CDH12: variants seen among roughly 807,000 people sequenced by gnomAD.
CDH12 encodes the protein cadherin 12, also known as cadherin-12.
Under a neutral mutation model 74.1 loss-of-function variants are expected in CDH12, and 41 were observed. The ratio of observed to expected loss-of-function variants is 0.55; its 90% CI spans 0.43 to 0.72. CDH12 has a LOEUF of 0.72. CDH12 is among the 30% of genes least tolerant of loss of function. The probability of loss-of-function intolerance (pLI) is 0.00; values close to 1 mark genes in which losing one functional copy is unlikely to be tolerated. For missense variants in CDH12, 945 were observed against 977.2 expected (o/e 0.97, Z 0.44); for synonymous variants, 399 against 355.0 (o/e 1.12, Z -1.39).
intron 5 of CDH12, among the ~76,000 whole-genome samples, chr5:22,047,280 T>C (rs1363470277): frequency 7.9e-5 from 12 of 152,202 alleles, no homozygotes; most frequent in Admixed American, 7.9e-4. Flanking sequence ...TATTCTCTCT[T>C]ACTGTAACTT....
intron 1 of CDH12, among the ~76,000 whole-genome samples, chr5:22,668,807 CTT>C (rs1275492881): frequency 1.3e-5 from 2 of 152,098 alleles, no homozygotes; most frequent in African/African-American, 4.8e-5. Flanking sequence ...ATTTATCTGT[CTT>C]TTTCTATTGG....
intron 4 of CDH12, among the ~76,000 whole-genome samples, chr5:22,104,984 T>A (rs984898340): frequency 1.3e-5 from 2 of 152,146 alleles, no homozygotes; most frequent in African/African-American, 4.8e-5. Flanking sequence ...ATGACTCTCC[T>A]TGCTTTTAGT....
At chr5:22,392,737 A>C (rs1362028412) in intron 3 of CDH12, among the ~76,000 whole-genome samples, 3 of 152,202 alleles carry the variant, frequency 2.0e-5, no homozygotes, top group Non-Finnish European at 2.9e-5. Context: ...AGTACAAAGC[A>C]GAGTTAACGT....
chr5:22,686,188 G>T (rs554671815), intron 1 of CDH12, among the ~76,000 whole-genome samples: 62 of 151,548 alleles, frequency 4.1e-4, no homozygotes, highest in East Asian at 2.3e-3. Flanking sequence ...GGGCATTTTG[G>T]TTTTTTTATA....
intron 10 of CDH12, among the ~76,000 whole-genome samples, chr5:21,787,426 T>C (rs1746256791): frequency 9.1e-6 from 1 of 109,754 alleles, no homozygotes; most frequent in African/African-American, 3.0e-5. Context: ...TTTTTTGTTT[T>C]GCAATAAAAT....
chr5:22,584,473 G>A (rs1268792743), intron 1 of CDH12, among the ~76,000 whole-genome samples: 1 of 151,854 alleles, frequency 6.6e-6, no homozygotes, highest in Non-Finnish European at 1.5e-5. Flanking sequence ...CATTTTTATT[G>A]TTTGCCATTT....
intron 3 of CDH12, among the ~76,000 whole-genome samples, chr5:22,396,596 A>G (rs1469255129): frequency 4.6e-5 from 7 of 152,098 alleles, no homozygotes; most frequent in Non-Finnish European, 8.8e-5. Context: ...ATGCTGCCTG[A>G]TGGATCAAAT....
At position 21,909,110 on chromosome 5, in the gene CDH12, C is replaced by T. The variant is rs373819689; in HGVS notation, c.527-54320G>A. 2.6e-3 allele frequency among the ~76,000 whole-genome samples: 402 copies of T among 152,212 alleles called. 1 individual carries two copies. Among genetic ancestry groups the T allele is most frequent in the Non-Finnish European group, 5.0e-3 (337 of 67,992 alleles). On this transcript the variant is annotated intron_variant, in intron 6 of 14. Coordinates refer to ENST00000382254, the MANE Select transcript of CDH12 (RefSeq NM_004061.5). ...TTCCATTGTTTAATAATTTAGACTG[C>T]ACCTGTCTGCACATCCCACAGCCCA...
intron 3 of CDH12, among the ~76,000 whole-genome samples, chr5:22,384,767 T>A (rs1040678570): frequency 5.9e-5 from 9 of 152,210 alleles, no homozygotes; most frequent in African/African-American, 2.2e-4. Flanking sequence ...AATATGCAAC[T>A]TTTTGAACAA....
At chr5:21,989,268 T>C (rs1055831622) in intron 5 of CDH12, among the ~76,000 whole-genome samples, 2 of 152,162 alleles carry the variant, frequency 1.3e-5, no homozygotes, top group Non-Finnish European at 2.9e-5. Flanking sequence ...CAAATAAACA[T>C]GTAGTTTCTA....
intron 4 of CDH12, among the ~76,000 whole-genome samples, chr5:22,123,704 G>A (rs1383413025): frequency 1.3e-5 from 2 of 152,072 alleles, no homozygotes; most frequent in African/African-American, 2.4e-5. Context: ...TCTGTCCTAC[G>A]CGATTTTGCA....
intron 3 of CDH12, among the ~76,000 whole-genome samples, chr5:22,384,302 A>C (rs1580590836): frequency 6.6e-6 from 1 of 151,620 alleles, no homozygotes; most frequent in Non-Finnish European, 1.5e-5. Flanking sequence ...AGGCGGGCGG[A>C]TCACGAGGTC....
chr5:22,419,008 G>A (rs901844153), intron 2 of CDH12, among the ~76,000 whole-genome samples: 9 of 152,124 alleles, frequency 5.9e-5, no homozygotes, highest in Non-Finnish European at 1.0e-4. Context: ...GGTCTTTTCT[G>A]CATCTATTGA....
chr5:22,510,471 T>C (rs188871979), intron 1 of CDH12, among the ~76,000 whole-genome samples: 62 of 152,282 alleles, frequency 4.1e-4, no homozygotes, highest in African/African-American at 1.4e-3. Flanking sequence ...AGAACAGACT[T>C]TTAAATAAGT....
chr5:21,777,461 T>A (rs759638477), intron 11 of CDH12, among the ~76,000 whole-genome samples: 1 of 152,130 alleles, frequency 6.6e-6, no homozygotes, highest in Non-Finnish European at 1.5e-5. Flanking sequence ...AAATATTTAG[T>A]CTTTTTTACT....
chr5:22,453,695 T>G (rs1745144570), intron 2 of CDH12, among the ~76,000 whole-genome samples: 1 of 152,082 alleles, frequency 6.6e-6, no homozygotes, highest in South Asian at 2.1e-4. Context: ...GAAAAATAAT[T>G]TACTGCATAT....
chr5:21,792,615 T>G (rs1283854873), intron 10 of CDH12, among the ~76,000 whole-genome samples: 1 of 150,438 alleles, frequency 6.6e-6, no homozygotes, highest in Admixed American at 6.7e-5. Context: ...TTTTTTTTTT[T>G]TTTCTTGGAA....
intron 1 of CDH12, among the ~76,000 whole-genome samples, chr5:22,639,169 G>T (rs1739006241): frequency 6.6e-6 from 1 of 150,672 alleles, no homozygotes; most frequent in Non-Finnish European, 1.5e-5. Context: ...TTAGTGGAAA[G>T]GATACTTCAG....
chr5:22,756,098 GA>G (rs60067455), intron 1 of CDH12, among the ~76,000 whole-genome samples: 22,117 of 87,526 alleles, frequency 0.25, 1,273 homozygotes, highest in Non-Finnish European at 0.3. Flanking sequence ...TTCAAGGACC[GA>G]AAAAAAAAAA....
Sources: gnomAD v4.1 joint callset for allele counts (sites outside exome capture counted in the v4.1 genomes callset) on GRCh38, gnomAD v4.1.1 for gene constraint, MANE v1.5 for transcripts, NCBI Gene and HGNC (gene_info 2026-07-23, HGNC 2026-07-21) for gene names.